The following WDR44 variants were observed in gnomAD, a reference collection of about 807,000 sequenced individuals.
The protein encoded by WDR44 is WD repeat domain 44.
Under a neutral mutation model 65.7 loss-of-function variants are expected in WDR44, and 9 were observed. That is an observed-to-expected ratio of 0.14 (90% confidence interval 0.08 to 0.24). WDR44 has a LOEUF of 0.24. Ranked by LOEUF, WDR44 falls within the 10% of genes least tolerant of loss-of-function variation. The pLI is 1.00. For synonymous variants in WDR44, 220 were observed against 235.2 expected, an observed-to-expected ratio of 0.94 and a Z score of 0.59; for missense variants, 425 against 670.9, an observed-to-expected ratio of 0.63 and a Z score of 4.05.
intron 1 of WDR44, among the ~76,000 whole-genome samples, chrX:118,376,387 T>A (rs1300135354): frequency 7.2e-5 from 8 of 111,766 alleles, no homozygotes; most frequent in African/African-American, 2.6e-4. Context: ...TAGGACTCAT[T>A]TCTTCTCTTG....
intron 19 of WDR44, among the ~76,000 whole-genome samples, chrX:118,447,545 AAAT>A (rs1291025602): frequency 1.8e-5 from 2 of 111,032 alleles, no homozygotes; most frequent in Admixed American, 9.6e-5. Context: ...CTTATGTGTA[AAAT>A]AATGATGATA....
rs2057161545 is a variant in WDR44 at position 118,426,859 on chromosome X, AAGAT to A, written c.1738-5920_1738-5917del. ...ACCAAAAAATTATTAGATATTCTGA[AAGAT>A]AAGTAAGAAGATTCTCATCTTAGTG... On this transcript the variant is annotated intron_variant, in intron 12 of 19. Transcript: ENST00000254029. 2.7e-5 allele frequency among the ~76,000 whole-genome samples: 3 copies of A among 112,058 alleles called. No homozygotes were observed. In the Admixed American group the frequency reaches 2.9e-4, roughly 11 times the overall value.
rs1431508948 is a variant in WDR44 at position 118,438,797 on chromosome X, G to GTTTTTTTGTTT, written c.1974+1980_1974+1981insGTTTTTTTTTT. Among the ~76,000 whole-genome samples, 84 of 64,034 alleles carry GTTTTTTTGTTT rather than the reference G, an allele frequency of 1.3e-3. 4 individuals carry two copies. The highest frequency in any genetic ancestry group is 4.6e-3 in the African/African-American group (81 of 17,631). The allele number at this position is 64,034 out of a possible 115,157, so 55.6% of individuals were successfully genotyped here. A position where few individuals can be genotyped will look rare whatever the true frequency, so the allele number is the denominator to read the frequency against. ...TTTATTAAACTTTCTGTTCAGCCATGTTTTTTTTTTTTTTTTTTTTTGAAG... is the reference window on the plus strand; with the variant it reads ...TTTATTAAACTTTCTGTTCAGCCATGTTTTTTTGTTTTTTTTTTTTTTTTTTTTTTTTGAAG... On this transcript the variant is annotated intron_variant, in intron 14 of 19. Coordinates refer to ENST00000254029, the MANE Select transcript of WDR44 (RefSeq NM_019045.5).
intron 1 of WDR44, among the ~76,000 whole-genome samples, chrX:118,366,499 C>G (rs1233906071): frequency 3.6e-5 from 4 of 111,601 alleles, no homozygotes; most frequent in Admixed American, 2.9e-4. Context: ...GAGCAACCTA[C>G]TTTCTTCAAC....
In WDR44 at chrX:118,436,733, A is replaced by G. The variant is rs781618243; in HGVS notation, c.1883A>G (p.Lys628Arg). ...TTTCTTCTTTCTTCTTCAATGGATA[A>G]AACAGTCAGATTATGGCACATTTCT... The part of the protein sequence containing the change: ...NYFLLSSSMD[K>R]TVRLWHISRR... The change falls in exon 14 of 20, where the codon AAA becomes AGA. Residue 628 changes from lysine to arginine, a missense_variant. By Grantham distance (26) the Lys-to-Arg change is conservative. This residue lies in a region of WDR44 where 73 missense variants were observed against 187.4 expected (regional missense o/e 0.39). Transcript: ENST00000254029. 2 of 1,198,162 alleles carry G rather than the reference A, an allele frequency of 1.7e-6. No homozygotes were observed. Among genetic ancestry groups the G allele is most frequent in the Non-Finnish European group, 2.3e-6 (2 of 886,631 alleles).
intron 14 of WDR44, among the ~76,000 whole-genome samples, chrX:118,437,167 G>T (rs1374380515): frequency 9.0e-6 from 1 of 111,442 alleles, no homozygotes; most frequent in African/African-American, 3.3e-5. Flanking sequence ...CAGAAATAAT[G>T]AGAAGATTGG....
intron 1 of WDR44, among the ~76,000 whole-genome samples, chrX:118,371,398 C>G (rs1602879855): frequency 9.0e-6 from 1 of 111,074 alleles, no homozygotes; most frequent in Non-Finnish European, 1.9e-5. Flanking sequence ...AGCATGATGA[C>G]TATAATAATA....
chrX:118,413,187 C>A (rs1481166029), intron 12 of WDR44, among the ~76,000 whole-genome samples: 1 of 112,049 alleles, frequency 8.9e-6, no homozygotes, highest in East Asian at 2.8e-4. Flanking sequence ...ATAATGACTT[C>A]TTTTCCTCTG....
intron 8 of WDR44, 99 bp from the exon 9 acceptor site, chrX:118,404,239 C>A: frequency 1.8e-6 from 1 of 560,241 alleles, no homozygotes; most frequent in South Asian, 3.0e-5. Context: ...AAAGTTATTT[C>A]AAAGTAGTGT....
chrX:118,437,477 G>A (rs2147748461), intron 14 of WDR44, among the ~76,000 whole-genome samples: 1 of 111,709 alleles, frequency 9.0e-6, no homozygotes, highest in African/African-American at 3.2e-5. Flanking sequence ...ATCACATGTT[G>A]GTGCTGACTG....
chrX:118,384,350 G>C (rs1273090469), intron 2 of WDR44, among the ~76,000 whole-genome samples: 1 of 111,759 alleles, frequency 8.9e-6, no homozygotes, highest in Non-Finnish European at 1.9e-5. Flanking sequence ...CAAAAAATAA[G>C]CAAGTAAATA....
intron 1 of WDR44, among the ~76,000 whole-genome samples, chrX:118,375,524 A>C (rs1275377423): frequency 1.8e-5 from 2 of 109,921 alleles, no homozygotes; most frequent in Admixed American, 2.0e-4. Flanking sequence ...TCAAAAAAAA[A>C]AAAAAAAACA....
At chrX:118,373,699 G>C (rs2056633583) in intron 1 of WDR44, among the ~76,000 whole-genome samples, 1 of 111,397 alleles carries the variant, frequency 9.0e-6, no homozygotes, top group Non-Finnish European at 1.9e-5. Context: ...AAGTGGTTGA[G>C]AGAATGGGCT....
chrX:118,429,122 G>C (rs1397251540), intron 12 of WDR44, among the ~76,000 whole-genome samples: 2 of 110,895 alleles, frequency 1.8e-5, no homozygotes, highest in Non-Finnish European at 3.8e-5. Context: ...TAGGTGATGG[G>C]TTGATAAGTG....
intron 2 of WDR44, among the ~76,000 whole-genome samples, chrX:118,378,709 C>CGTGTGTGTGTGTGTGTGT (rs61698360): frequency 0.028 from 2,651 of 94,397 alleles, 102 homozygotes; most frequent in African/African-American, 0.097. Flanking sequence ...AATAAAAGAA[C>CGTGTGTGTGTGTGTGTGT]GTGTGTGTGT....
intron 15 of WDR44, among the ~76,000 whole-genome samples, 182 bp downstream of exon 15, chrX:118,441,741 T>TA (rs1412129852): frequency 7.2e-5 from 8 of 110,811 alleles, no homozygotes; most frequent in Non-Finnish European, 1.1e-4. Flanking sequence ...AATTCTAATT[T>TA]AAAAAAAATT....
chrX:118,422,232 T>TA (rs60887150), intron 12 of WDR44, among the ~76,000 whole-genome samples: 18 of 102,596 alleles, frequency 1.8e-4, no homozygotes, highest in Admixed American at 3.2e-4. Flanking sequence ...TGTCTCTATT[T>TA]AAAAAAAAAA....
rs2057372044 is a variant in WDR44, at chrX:118,449,220, G to C, written c.*233G>C. On this transcript the variant is annotated 3_prime_UTR_variant, in exon 20 of 20. Transcript: ENST00000254029. ...TTAGGCTTTATGTTTTGTTATGTTTGTGTTTTCGTTGTATAATTATGAACA... is the reference window on the plus strand; with the variant it reads ...TTAGGCTTTATGTTTTGTTATGTTTCTGTTTTCGTTGTATAATTATGAACA... The C allele has an allele frequency of 4.5e-6, 1 of 221,028 alleles. No individual in the cohort carries two copies. Among genetic ancestry groups the C allele is most frequent in the Non-Finnish European group, 8.2e-6 (1 of 121,222 alleles). The allele number at this position is 221,028 out of a possible 1,213,427, so 18.2% of individuals were successfully genotyped here.
At chrX:118,408,293 CTT>C in intron 10 of WDR44, among the ~76,000 whole-genome samples, 1 of 111,985 alleles carries the variant, frequency 8.9e-6, no homozygotes, top group Non-Finnish European at 1.9e-5. Context: ...CACACACATA[CTT>C]TCCTATTGTT....
Sources: gnomAD v4.1 joint callset for allele counts (sites outside exome capture counted in the v4.1 genomes callset) on GRCh38, gnomAD v4.1.1 for gene constraint, gnomAD v4.1.1 regional missense constraint, MANE v1.5 for transcripts, NCBI Gene and HGNC (gene_info 2026-07-23, HGNC 2026-07-21) for gene names.